Variants in EML1 observed in about 807,000 individuals in gnomAD.
The protein encoded by EML1 is EMAP like 1.
A neutral mutation model predicts 110.4 loss-of-function variants in EML1; 27 were observed. That is an observed-to-expected ratio of 0.24 (90% CI 0.18 to 0.34). The LOEUF (loss-of-function observed/expected upper bound fraction) is 0.34, where lower values mean the gene tolerates loss of function less well. EML1 is among the 10% of genes least tolerant of loss of function. The pLI, the probability that EML1 is intolerant of heterozygous loss-of-function variation, is 1.00. For synonymous variants in EML1, 344 were observed against 385.8 expected (o/e 0.89, Z 1.27); for missense variants, 741 against 1,030.9 (o/e 0.72, Z 3.85).
intron 1 of EML1, among the ~76,000 whole-genome samples, chr14:99,819,784 C>G (rs535288857): frequency 3.3e-5 from 5 of 152,228 alleles, no homozygotes; most frequent in Admixed American, 6.5e-5. Context: ...CACCGAGCAT[C>G]CCTCAGTGAA....
intron 1 of EML1, among the ~76,000 whole-genome samples, chr14:99,758,630 C>CA (rs1468893386): frequency 1.3e-5 from 2 of 152,180 alleles, no homozygotes; most frequent in Non-Finnish European, 2.9e-5. Context: ...GTCACGCCCT[C>CA]ATGCAGTGAT....
At chr14:99,933,702 T>C (rs1389889994) in intron 17 of EML1, among the ~76,000 whole-genome samples, 1 of 152,220 alleles carries the variant, frequency 6.6e-6, no homozygotes, top group Non-Finnish European at 1.5e-5. Flanking sequence ...ATGGGGATAA[T>C]TATATCTACT....
At chr14:99,802,823 C>T (rs1050990207) in intron 1 of EML1, among the ~76,000 whole-genome samples, 4 of 151,992 alleles carry the variant, frequency 2.6e-5, no homozygotes, top group African/African-American at 7.3e-5. Context: ...CCATGGGCAC[C>T]GATGAGCTCA....
rs935548351 is a variant in EML1, at chr14:99,941,118, T to A, written c.*1006T>A. 6.6e-6 allele frequency: 1 copy of A among 152,196 alleles called. No homozygotes were observed. Among genetic ancestry groups the A allele is most frequent in the African/African-American group, 2.4e-5 (1 of 41,434 alleles). 9.4% of individuals were successfully genotyped at this position (152,196 alleles called of 1,614,324 possible). A position where few individuals can be genotyped will look rare whatever the true frequency, so the allele number is the denominator to read the frequency against. On this transcript the variant is annotated 3_prime_UTR_variant, in exon 22 of 22. Transcript: ENST00000262233. ...GGGCAGCTGCTTTTCCTGTCTTTTGTGCATGGGCGACCCATTACAGTATGA... is the reference window on the plus strand; with the variant it reads ...GGGCAGCTGCTTTTCCTGTCTTTTGAGCATGGGCGACCCATTACAGTATGA...
intron 1 of EML1, among the ~76,000 whole-genome samples, chr14:99,817,737 A>G (rs753408939): frequency 1.1e-3 from 172 of 152,116 alleles, no homozygotes; most frequent in Non-Finnish European, 1.8e-3. Flanking sequence ...TGCTGGGGAT[A>G]CTCAGATGAA....
At chr14:99,815,410 A>C (rs1426412798) in intron 1 of EML1, among the ~76,000 whole-genome samples, 1 of 152,118 alleles carries the variant, frequency 6.6e-6, no homozygotes, top group Non-Finnish European at 1.5e-5. Flanking sequence ...CAAAGTGCCA[A>C]GATTACAGGT....
At chr14:99,889,928 T>C (rs2059557463) in intron 4 of EML1, among the ~76,000 whole-genome samples, 1 of 152,188 alleles carries the variant, frequency 6.6e-6, no homozygotes, top group African/African-American at 2.4e-5. Context: ...AAAACACTTT[T>C]AAAGCATCAG....
rs1355437115 is a variant in EML1, at chr14:99,865,601, C to A, written c.338C>A (p.Ser113Tyr). 1.2e-6 allele frequency: 2 copies of A among 1,614,096 alleles called. No individual in the cohort carries two copies. Among genetic ancestry groups the A allele is most frequent in the Non-Finnish European group, 1.7e-6 (2 of 1,180,032 alleles). Residue 113 changes from serine (S) to tyrosine (Y), a missense_variant, in exon 3 of 22, where the codon TCC (serine) becomes TAC (tyrosine). Ser to Tyr is a moderately radical substitution (Grantham distance 144, BLOSUM62 -2). Transcript: ENST00000262233. The part of the protein sequence containing the change: ...LPKKPTGSLP[S>Y]PSGVRKETAV... The stretch of plus-strand genomic sequence containing the variant: ...AAGAAACCTACTGGCTCTCTACCAT[C>A]CCCCTCCGGGGTCAGGAAAGAAACT...
At chr14:99,774,204 C>A (rs1023006604) in intron 1 of EML1, among the ~76,000 whole-genome samples, 2 of 152,072 alleles carry the variant, frequency 1.3e-5, no homozygotes, top group Non-Finnish European at 2.9e-5. Flanking sequence ...AAGCAAAGAG[C>A]AGAGGGGTTG....
At position 99,894,709 on chromosome 14, in the gene EML1, T is replaced by C. The variant is rs780786090; in HGVS notation, c.628T>C (p.Leu210=). ...MPKDQVDSYS[L]EAKVELPTKR... ...CAAAGATCAAGTGGATTCTTACAGC[T>C]TGGAAGCAAAAGTAGAACTTCCAAC... Residue 210 remains leucine (L), a synonymous_variant, in exon 6 of 22, where the codon TTG becomes CTG. Transcript: ENST00000262233. 2.5e-6 allele frequency: 4 copies of C among 1,613,704 alleles called. No homozygotes were observed. The East Asian group carries it at 8.9e-5, about 36-fold the overall frequency.
chr14:99,741,886 G>A (rs1337650914), intron 1 of EML1, among the ~76,000 whole-genome samples: 4 of 152,130 alleles, frequency 2.6e-5, no homozygotes, highest in Non-Finnish European at 5.9e-5. Flanking sequence ...CCTGGGATAT[G>A]GGAACACCTC....
chr14:99,923,641 C>CGGATACTCAGTTCTGCA (rs1566940202), intron 17 of EML1, among the ~76,000 whole-genome samples: 1 of 52,200 alleles, frequency 1.9e-5, no homozygotes. Flanking sequence ...CAGTTCTGCC[C>CGGATACTCAGTTCTGCA]CCTTCACCTG....
chr14:99,850,727 A>T lies in EML1; in HGVS notation c.68-126A>T, dbSNP rs182958300. 8.5e-5 allele frequency: 79 copies of T among 930,426 alleles called. 1 individual carries two copies. In the East Asian group the frequency reaches 1.7e-3, roughly 20 times the overall value. 57.6% of individuals were successfully genotyped at this position (930,426 alleles called of 1,614,324 possible). A position where few individuals can be genotyped will look rare whatever the true frequency, so the allele number is the denominator to read the frequency against. On this transcript the variant is annotated intron_variant, in intron 1 of 21. Transcript: ENST00000262233. Reference sequence around the variant, plus strand: ...CATGTGATTTCTGCTTAAGAGCAGTATCTGTAGTCCGTAAGTGTTACTATG... The same window carrying T: ...CATGTGATTTCTGCTTAAGAGCAGTTTCTGTAGTCCGTAAGTGTTACTATG...
chr14:99,814,317 C>G (rs2058131048), intron 1 of EML1, among the ~76,000 whole-genome samples: 1 of 152,194 alleles, frequency 6.6e-6, no homozygotes, highest in Non-Finnish European at 1.5e-5. Context: ...GTCACTCAGG[C>G]TGGAGTGCAG....
intron 11 of EML1, among the ~76,000 whole-genome samples, chr14:99,910,033 G>A (rs1566932575): frequency 5.3e-5 from 8 of 152,154 alleles, no homozygotes; most frequent in Admixed American, 3.9e-4. Flanking sequence ...GCTAGAAATC[G>A]CTTTGTCTTA....
At chr14:99,921,125 A>G (rs1345341131) in intron 17 of EML1, among the ~76,000 whole-genome samples, 1 of 145,758 alleles carries the variant, frequency 6.9e-6, no homozygotes, top group South Asian at 2.1e-4. Flanking sequence ...CAGTGTGTCC[A>G]TGTGTTCTCA....
chr14:99,919,425 G>GACACAC (rs376238109), intron 16 of EML1, among the ~76,000 whole-genome samples: 1,145 of 97,540 alleles, frequency 0.012, 17 homozygotes, highest in African/African-American at 0.032. Context: ...CATGCACACA[G>GACACAC]ACACACACAC....
intron 17 of EML1, among the ~76,000 whole-genome samples, chr14:99,925,463 C>T (rs2060217231): frequency 6.6e-6 from 1 of 152,094 alleles, no homozygotes; most frequent in Admixed American, 6.6e-5. Context: ...TGTCTCTAAA[C>T]TGAAACTCCT....
intron 1 of EML1, among the ~76,000 whole-genome samples, chr14:99,812,375 C>G (rs1254248375): frequency 2.0e-5 from 3 of 151,810 alleles, no homozygotes; most frequent in African/African-American, 2.4e-5. Flanking sequence ...GGAAGTCAGC[C>G]AAATGAATAT....
Sources: allele counts gnomAD v4.1 joint callset (sites outside exome capture counted in the v4.1 genomes callset), GRCh38; gene constraint gnomAD v4.1.1; transcripts MANE v1.5; gene names NCBI Gene and HGNC (gene_info 2026-07-23, HGNC 2026-07-21).